NPIPA5: variants seen among roughly 807,000 people sequenced by gnomAD.
NPIPA5 encodes the protein nuclear pore complex interacting protein family member A5, also known as nuclear pore complex-interacting protein family member A5.
NPIPA5 carries 6 observed loss-of-function variants against 21.4 expected under a neutral mutation model. That is an observed-to-expected ratio of 0.28 (90% confidence interval 0.15 to 0.55). NPIPA5 has a LOEUF of 0.55. Among genes scored for constraint, NPIPA5 ranks in the 20% least tolerant of loss-of-function variants. NPIPA5 has a pLI of 0.93. For missense variants in NPIPA5, 99 were observed against 318.2 expected (o/e 0.31, Z 5.24); for synonymous variants, 33 against 115.3 (o/e 0.29, Z 4.57).
At chr16:15,380,487 T>TAA (rs2050413299), upstream of NPIPA5, among the ~76,000 whole-genome samples, 1 of 151,950 alleles carries the variant, frequency 6.6e-6, no homozygotes, top group African/African-American at 2.4e-5. Flanking sequence ...CATGCCCGGC[T>TAA]AATTTTTGTA....
intron 1 of NPIPA5, among the ~76,000 whole-genome samples, chr16:15,376,805 G>A (rs1425384051): frequency 2.0e-5 from 3 of 151,960 alleles, no homozygotes; most frequent in African/African-American, 7.3e-5. Flanking sequence ...ACAAAAATTA[G>A]CCAGGCGTGG....
At chr16:15,376,450 C>G (rs376755228) in intron 1 of NPIPA5, among the ~76,000 whole-genome samples, 1 of 149,484 alleles carries the variant, frequency 6.7e-6, no homozygotes. Flanking sequence ...ATCGCTCGAA[C>G]CTGGGAAGCA....
At chr16:15,370,232 GC>G (rs1489581727) in intron 2 of NPIPA5, 113 bp from the exon 3 acceptor site, 3 of 604,868 alleles carry the variant, frequency 5.0e-6, no homozygotes, top group Admixed American at 3.2e-5. Context: ...TTCAAGACCA[GC>G]CTGGCCAAGA....
upstream of NPIPA5, among the ~76,000 whole-genome samples, chr16:15,379,584 C>T (rs1172826103): frequency 6.6e-6 from 1 of 151,138 alleles, no homozygotes; most frequent in Admixed American, 6.6e-5. Flanking sequence ...GCAACAACTA[C>T]AAACAAACAA....
chr16:15,381,357 A>G (rs1175129448), upstream of NPIPA5: 2 of 419,376 alleles, frequency 4.8e-6, no homozygotes, highest in Admixed American at 6.5e-5. Flanking sequence ...ATTTAAATGT[A>G]TCATCATTTC....
intron 2 of NPIPA5, among the ~76,000 whole-genome samples, chr16:15,370,751 C>CA (rs1307591913): frequency 0.027 from 2,812 of 104,532 alleles, 132 homozygotes; most frequent in African/African-American, 0.075. Context: ...AACTCTGTCT[C>CA]AAAAAAAAAA....
upstream of NPIPA5, among the ~76,000 whole-genome samples, chr16:15,378,941 C>G (rs1290211897): frequency 8.6e-5 from 12 of 138,754 alleles, no homozygotes; most frequent in Admixed American, 4.5e-4. Flanking sequence ...GCCCACAATA[C>G]CCAGAGGGCT....
chr16:15,380,894 G>A, upstream of NPIPA5: 1 of 993,472 alleles, frequency 1.0e-6, no homozygotes, highest in Non-Finnish European at 1.4e-6. Context: ...AACTGCTCAA[G>A]GGCACCAGGC....
intron 1 of NPIPA5, among the ~76,000 whole-genome samples, chr16:15,376,145 T>G (rs1223074157): frequency 6.6e-6 from 1 of 151,834 alleles, no homozygotes; most frequent in Non-Finnish European, 1.5e-5. Flanking sequence ...TGCATCTGTA[T>G]ACGTGAAATT....
upstream of NPIPA5, among the ~76,000 whole-genome samples, chr16:15,379,985 CTGTGTGTGTG>C (rs370938234): frequency 2.8e-5 from 4 of 143,536 alleles, no homozygotes; most frequent in South Asian, 2.2e-4. Flanking sequence ...GTGTGTGTGT[CTGTGTGTGTG>C]TGTGTGTGTG....
At chr16:15,381,072 T>G, upstream of NPIPA5, 1 of 1,533,958 alleles carries the variant, frequency 6.5e-7, no homozygotes, top group Non-Finnish European at 8.7e-7. Flanking sequence ...CAGGGGCTCA[T>G]GATGAGTGCC....
At position 15,363,886 on chromosome 16, in the gene NPIPA5, G is replaced by A; in HGVS notation, c.826C>T (p.Pro276Ser). The A allele has an allele frequency of 2.5e-6, 4 of 1,604,004 alleles. No individual in the cohort carries two copies. The highest frequency in any genetic ancestry group is 2.3e-5 in the East Asian group (1 of 44,212). Reference protein sequence around the residue: ...PSERLLYPLPPSADDNLKTPP... With the variant: ...PSERLLYPLPSSADDNLKTPP... ...GTCTTGAGATTATCATCCGCTGAGG[G>A]TGGAAGGGGATAGAGCAGACGCTCG... is the stretch of plus-strand genomic sequence containing the variant. Residue 276 changes from proline (P) to serine (S), a missense_variant, in exon 8 of 8, where the codon CCC becomes TCC. Transcript: ENST00000360151.
chr16:15,381,624 A>ATAATTCACCTCTTTATG, upstream of NPIPA5: 1 of 151,632 alleles, frequency 6.6e-6, no homozygotes. Context: ...CAGCTGTGTG[A>ATAATTCACCTCTTTATG]TCTGGGTAAG....
chr16:15,377,595 GGGGACGGGGACC>G, intron 1 of NPIPA5, among the ~76,000 whole-genome samples: 1 of 139,636 alleles, frequency 7.2e-6, no homozygotes, highest in East Asian at 2.3e-4. Context: ...GCGGAGGGAA[GGGGACGGGGACC>G]GGGGCCGGAT....
At chr16:15,365,913 CA>C in intron 5 of NPIPA5, among the ~76,000 whole-genome samples, 1 of 47,252 alleles carries the variant, frequency 2.1e-5, no homozygotes, top group Non-Finnish European at 4.8e-5. Context: ...ACTAAAAATA[CA>C]AAAAATTAGG....
At chr16:15,379,844 T>C (rs2050394140), upstream of NPIPA5, among the ~76,000 whole-genome samples, 2 of 151,794 alleles carry the variant, frequency 1.3e-5, no homozygotes, top group South Asian at 4.2e-4. Context: ...ACTCAGAGGC[T>C]GAGGCAGAGG....
chr16:15,366,938 AT>A (rs2049991855), intron 4 of NPIPA5, among the ~76,000 whole-genome samples, 178 bp from the exon 5 acceptor site: 1 of 152,052 alleles, frequency 6.6e-6, no homozygotes, highest in Non-Finnish European at 1.5e-5. Context: ...ATAAAAAAAA[AT>A]CACACTCTGG....
intron 1 of NPIPA5, among the ~76,000 whole-genome samples, chr16:15,377,942 T>C (rs1306975900): frequency 5.9e-4 from 87 of 148,110 alleles, no homozygotes. Context: ...GGCTTTAGAC[T>C]CTCTCTCCAC....
At chr16:15,371,027 C>G (rs1038701795) in intron 2 of NPIPA5, among the ~76,000 whole-genome samples, 1 of 91,312 alleles carries the variant, frequency 1.1e-5, no homozygotes, top group African/African-American at 3.5e-5. Context: ...AGCCTGGTGA[C>G]AGAGTGAGAC....
Sources: allele counts gnomAD v4.1 joint callset (sites outside exome capture counted in the v4.1 genomes callset), GRCh38; gene constraint gnomAD v4.1.1; transcripts MANE v1.5; gene names NCBI Gene and HGNC (gene_info 2026-07-23, HGNC 2026-07-21).